Variants in TTLL7 observed in about 807,000 individuals in gnomAD.
TTLL7 encodes tubulin polyglutamylase TTLL7.
Under a neutral mutation model 120.2 loss-of-function variants are expected in TTLL7, and 53 were observed. The ratio of observed to expected loss-of-function variants is 0.44; its 90% confidence interval spans 0.35 to 0.55. The LOEUF is 0.55. TTLL7 is among the 20% of genes least tolerant of loss of function. The pLI is 0.00. For synonymous variants in TTLL7, 353 were observed against 351.7 expected (o/e 1.00, Z -0.04); for missense variants, 803 against 1,054.7 (o/e 0.76, Z 3.31).
At chr1:83,954,123 T>TA (rs1649304989) in intron 1 of TTLL7, among the ~76,000 whole-genome samples, 1 of 152,148 alleles carries the variant, frequency 6.6e-6, no homozygotes, top group African/African-American at 2.4e-5. Flanking sequence ...AGATCCCCTT[T>TA]ACAGTAACAG....
chr1:83,948,770 T>G, intron 4 of TTLL7, 75 bp from the exon 5 acceptor site: 2 of 1,028,636 alleles, frequency 1.9e-6, no homozygotes, highest in Non-Finnish European at 2.9e-6. Flanking sequence ...TACAATTCTA[T>G]CCATCCTTTG....
chr1:83,973,355 C>T (rs79024632), intron 1 of TTLL7, among the ~76,000 whole-genome samples: 49 of 152,166 alleles, frequency 3.2e-4, no homozygotes, highest in Non-Finnish European at 7.1e-4. Context: ...GCCTTTGCAT[C>T]ATTGTCAAAG....
At chr1:83,915,011 A>T (rs1158981722) in intron 14 of TTLL7, among the ~76,000 whole-genome samples, 1 of 152,202 alleles carries the variant, frequency 6.6e-6, no homozygotes, top group African/African-American at 2.4e-5. Flanking sequence ...GCTCTATAAA[A>T]GTGTTATTTA....
At chr1:83,944,688 A>G (rs1014858748) in intron 6 of TTLL7, among the ~76,000 whole-genome samples, 1 of 152,164 alleles carries the variant, frequency 6.6e-6, no homozygotes, top group Admixed American at 6.5e-5. Context: ...AGCCTGGGTG[A>G]CTGAGTGACA....
At chr1:83,892,675 C>CATATGAACATAT (rs776581278) in intron 18 of TTLL7, among the ~76,000 whole-genome samples, 3 of 143,042 alleles carry the variant, frequency 2.1e-5, no homozygotes, top group Admixed American at 6.9e-5. Flanking sequence ...TATATATGAA[C>CATATGAACATAT]ATATGAACAT....
intron 6 of TTLL7, among the ~76,000 whole-genome samples, chr1:83,945,234 C>T (rs1363138993): frequency 1.3e-5 from 2 of 152,106 alleles, no homozygotes; most frequent in Non-Finnish European, 2.9e-5. Flanking sequence ...AAAACATGGT[C>T]CACCAATATG....
intron 20 of TTLL7, among the ~76,000 whole-genome samples, chr1:83,871,357 C>A (rs1372625434): frequency 6.6e-6 from 1 of 152,098 alleles, no homozygotes; most frequent in Non-Finnish European, 1.5e-5. Context: ...TAGCATTAGG[C>A]CAGTCCAATC....
chr1:83,893,707 G>A (rs1034543032), intron 18 of TTLL7, among the ~76,000 whole-genome samples: 3 of 152,098 alleles, frequency 2.0e-5, no homozygotes, highest in African/African-American at 7.2e-5. Context: ...CTTTCAAGGT[G>A]ATATTTATAG....
chr1:83,882,643 T>G, intron 20 of TTLL7: 1 of 213,600 alleles, frequency 4.7e-6, no homozygotes, highest in Non-Finnish European at 9.3e-6. Context: ...ATATCTCTAT[T>G]GGAGAACAGA....
intron 3 of TTLL7, 21 bp from the exon 4 acceptor site, chr1:83,950,007 T>C: frequency 6.3e-7 from 1 of 1,584,876 alleles, no homozygotes; most frequent in East Asian, 2.2e-5. Flanking sequence ...ACAGTTAAGT[T>C]AAACCAAAAT....
chr1:83,903,461 T>C (rs902965112), intron 18 of TTLL7, among the ~76,000 whole-genome samples: 11 of 151,854 alleles, frequency 7.2e-5, no homozygotes, highest in Admixed American at 1.3e-4. Flanking sequence ...CAGTCATCCC[T>C]CTCCACCTGT....
chr1:83,989,302 T>C (rs1652767098), intron 1 of TTLL7, among the ~76,000 whole-genome samples: 1 of 152,160 alleles, frequency 6.6e-6, no homozygotes, highest in Non-Finnish European at 1.5e-5. Context: ...ATTTTTATAG[T>C]TTGAGGACTT....
intron 1 of TTLL7, among the ~76,000 whole-genome samples, chr1:83,992,391 A>T (rs565843999): frequency 3.9e-5 from 6 of 152,114 alleles, no homozygotes; most frequent in African/African-American, 7.2e-5. Context: ...AGATTAGTTT[A>T]AAAAAAATTC....
intron 6 of TTLL7, among the ~76,000 whole-genome samples, chr1:83,944,711 G>T (rs11163870): frequency 3.9e-5 from 6 of 152,016 alleles, no homozygotes; most frequent in African/African-American, 1.4e-4. Context: ...GCGAGACTCC[G>T]TCTTAAAAAA....
At chr1:83,937,718 ATT>A (rs1251824254) in intron 8 of TTLL7, 132 bp downstream of exon 8, 1 of 982,680 alleles carries the variant, frequency 1.0e-6, no homozygotes, top group African/African-American at 1.6e-5. Context: ...TAATGATCTG[ATT>A]TTTTTCTCTC....
chr1:83,952,117 T>C, intron 2 of TTLL7, 70 bp downstream of exon 2: 1 of 1,543,012 alleles, frequency 6.5e-7, no homozygotes, highest in African/African-American at 1.4e-5. Context: ...TTTTAATACT[T>C]TAAAAATATT....
In TTLL7 at chr1:83,868,034, T is replaced by TA. The variant is rs891310277; in HGVS notation, c.*1927dup. 1 of 152,052 alleles carries TA rather than the reference T, an allele frequency of 6.6e-6. No individual in the cohort carries two copies. Among genetic ancestry groups the TA allele is most frequent in the Admixed American group, 6.6e-5 (1 of 15,258 alleles). 9.4% of individuals were successfully genotyped at this position (152,052 alleles called of 1,614,324 possible). ...ACCAAATGTGGATGTTAGGTAGCCATAAAAAATCAAGTAGCTAGCAATAAT... is the reference window on the plus strand; with the variant it reads ...ACCAAATGTGGATGTTAGGTAGCCATAAAAAAATCAAGTAGCTAGCAATAAT... On this transcript the variant is annotated 3_prime_UTR_variant, in exon 21 of 21. Transcript: ENST00000260505.
intron 1 of TTLL7, among the ~76,000 whole-genome samples, chr1:83,991,314 T>C (rs535445450): frequency 6.6e-6 from 1 of 152,312 alleles, no homozygotes; most frequent in East Asian, 1.9e-4. Context: ...CTCTGCACTG[T>C]ACATTTAAAA....
intron 3 of TTLL7, among the ~76,000 whole-genome samples, chr1:83,950,539 T>A (rs1169160665): frequency 6.6e-6 from 1 of 152,198 alleles, no homozygotes; most frequent in Non-Finnish European, 1.5e-5. Context: ...AACCCTCTAA[T>A]CCTACTGAAA....
Sources: gnomAD v4.1 joint callset for allele counts (sites outside exome capture counted in the v4.1 genomes callset) on GRCh38, gnomAD v4.1.1 for gene constraint, MANE v1.5 for transcripts, NCBI Gene and HGNC (gene_info 2026-07-23, HGNC 2026-07-21) for gene names.